The following GOLGA5 variants were observed in gnomAD, a reference collection of about 807,000 sequenced individuals.
GOLGA5 encodes golgin A5.
GOLGA5 carries 50 observed loss-of-function variants against 93.5 expected under a neutral mutation model. The observed-to-expected ratio is 0.53, with a 90% CI of 0.43 to 0.68. The LOEUF is 0.68. Among genes scored for constraint, GOLGA5 ranks in the 30% least tolerant of loss-of-function variants. The pLI is 0.00. For missense variants in GOLGA5, 760 were observed against 856.4 expected (o/e 0.89, Z 1.40); for synonymous variants, 312 against 304.5 (o/e 1.02, Z -0.26).
chr14:92,834,085 A>G (rs1885585346), intron 10 of GOLGA5, among the ~76,000 whole-genome samples: 1 of 151,502 alleles, frequency 6.6e-6, no homozygotes, highest in African/African-American at 2.4e-5. Flanking sequence ...ATACTCCTTA[A>G]TGGCATAAAT....
At chr14:92,798,916 C>T (rs138571593) in intron 2 of GOLGA5, among the ~76,000 whole-genome samples, 3 of 152,140 alleles carry the variant, frequency 2.0e-5, no homozygotes, top group African/African-American at 7.2e-5. Flanking sequence ...ACGCTGTCTC[C>T]AAAGATAAAA....
At chr14:92,834,560 T>TC (rs1448529238) in intron 10 of GOLGA5, among the ~76,000 whole-genome samples, 13 of 152,238 alleles carry the variant, frequency 8.5e-5, no homozygotes, top group African/African-American at 3.1e-4. Flanking sequence ...CACAAAGGCC[T>TC]TGAGGCAGGC....
At position 92,798,000 on chromosome 14, in the gene GOLGA5, T is replaced by C. The variant is rs1334436731; in HGVS notation, c.544+19T>C. 3 of 1,497,440 alleles carry C rather than the reference T, an allele frequency of 2.0e-6. No homozygotes were observed. Among genetic ancestry groups the C allele is most frequent in the African/African-American group, 1.4e-5 (1 of 71,188 alleles). 92.8% of individuals were successfully genotyped at this position (1,497,440 alleles called of 1,614,324 possible). On this transcript the variant is annotated intron_variant, in intron 2 of 12. Transcript: ENST00000163416. The stretch of plus-strand genomic sequence containing the variant: ...ACCCACGGTAGTTAATCAGTCCTCT[T>C]ATTTCTTTTAGAGTTAAGCAAATTG...
chr14:92,800,078 G>C (rs920522875), intron 2 of GOLGA5, among the ~76,000 whole-genome samples: 1 of 152,240 alleles, frequency 6.6e-6, no homozygotes, highest in Non-Finnish European at 1.5e-5. Context: ...GGCAGTAGCA[G>C]TTGATTAATA....
At position 92,816,189 on chromosome 14, in the gene GOLGA5, A is replaced by G. The variant is rs538682518; in HGVS notation, c.1321-62A>G. Reference sequence around the variant, plus strand: ...TAGTGGGTTATTTTCTGTATAGTAGATGATATTCAATATACAAACTAATCT... The same window carrying G: ...TAGTGGGTTATTTTCTGTATAGTAGGTGATATTCAATATACAAACTAATCT... On this transcript the variant is annotated intron_variant, in intron 6 of 12. Transcript: ENST00000163416. 51 of 1,079,722 alleles carry G rather than the reference A, an allele frequency of 4.7e-5. No individual in the cohort carries two copies. In the South Asian group the frequency reaches 6.9e-4, roughly 15 times the overall value. The allele number at this position is 1,079,722 out of a possible 1,614,324, so 66.9% of individuals were successfully genotyped here. A position where few individuals can be genotyped will look rare whatever the true frequency, so the allele number is the denominator to read the frequency against.
At chr14:92,815,649 C>A (rs1355837897) in intron 6 of GOLGA5, among the ~76,000 whole-genome samples, 3 of 149,724 alleles carry the variant, frequency 2.0e-5, no homozygotes, top group African/African-American at 7.4e-5. Flanking sequence ...CCGGCCTGGG[C>A]AACATAGCAA....
intron 6 of GOLGA5, among the ~76,000 whole-genome samples, chr14:92,814,493 G>GGCAGGGTACTTGACCATGGAC (rs1885164127): frequency 6.6e-6 from 1 of 152,104 alleles, no homozygotes; most frequent in Admixed American, 6.5e-5. Context: ...AAGACATGGA[G>GGCAGGGTACTTGACCATGGAC]GCAGGGTACT....
intron 7 of GOLGA5, 145 bp from the exon 8 acceptor site, chr14:92,819,563 T>A: frequency 1.4e-6 from 1 of 698,086 alleles, no homozygotes; most frequent in Non-Finnish European, 2.5e-6. Context: ...AGCCCAGGAG[T>A]TTGAGGCTGC....
At chr14:92,834,426 A>G (rs1270132593) in intron 10 of GOLGA5, among the ~76,000 whole-genome samples, 3 of 151,806 alleles carry the variant, frequency 2.0e-5, no homozygotes, top group African/African-American at 4.8e-5. Flanking sequence ...TCATTGTTCA[A>G]TTCCCACCTA....
At position 92,794,311 on chromosome 14, in the gene GOLGA5, C is replaced by T. The variant is rs553709994; in HGVS notation, c.-176C>T. 1 of 152,456 alleles carries T rather than the reference C, an allele frequency of 6.6e-6. No homozygotes were observed. Among genetic ancestry groups the T allele is most frequent in the South Asian group, 2.1e-4 (1 of 4,830 alleles). The allele number at this position is 152,456 out of a possible 1,614,324, so 9.4% of individuals were successfully genotyped here. ...ACTCTGTTGTGGGGTCCTCGCTTCCCTTCCACGTCTCCCGGAAGCGGTAGC... is the reference window on the plus strand; with the variant it reads ...ACTCTGTTGTGGGGTCCTCGCTTCCTTTCCACGTCTCCCGGAAGCGGTAGC... On this transcript the variant is annotated 5_prime_UTR_variant, in exon 1 of 13. Transcript: ENST00000163416.
chr14:92,796,741 C>A (rs767353701), intron 1 of GOLGA5, among the ~76,000 whole-genome samples: 2 of 143,078 alleles, frequency 1.4e-5, no homozygotes, highest in Non-Finnish European at 3.0e-5. Context: ...GAGGCCGAGG[C>A]GGGTGGATCA....
intron 11 of GOLGA5, among the ~76,000 whole-genome samples, chr14:92,837,047 G>A (rs961259969): frequency 7.9e-5 from 12 of 151,792 alleles, no homozygotes; most frequent in African/African-American, 2.4e-4. Context: ...CTCCAGCCTG[G>A]GCGACAGGAG....
rs778975884 is a variant in GOLGA5 at position 92,835,672 on chromosome 14, A to ATG, written c.2051+9_2051+10dup. 1.9e-6 allele frequency: 3 copies of ATG among 1,539,070 alleles called. No individual in the cohort carries two copies. The South Asian group carries it at 3.4e-5, about 17-fold the overall frequency. ...TTCAATTGATCAGTTTAGGTAAGCAATGCCAGTAGGGATGAGTGATGGACC... is the reference window on the plus strand; with the variant it reads ...TTCAATTGATCAGTTTAGGTAAGCAATGTGCCAGTAGGGATGAGTGATGGACC... On this transcript the variant is annotated intron_variant, in intron 11 of 12. Transcript: ENST00000163416.
chr14:92,817,220 C>T (rs1437195016), intron 7 of GOLGA5, among the ~76,000 whole-genome samples: 3 of 152,144 alleles, frequency 2.0e-5, no homozygotes, highest in African/African-American at 7.2e-5. Context: ...AGATTAGAGA[C>T]GTGAGCCACC....
rs1354716414 is a variant in GOLGA5, at chr14:92,835,659, G to T, written c.2046G>T (p.Gln682His). The change falls in exon 11 of 13, where the codon CAG becomes CAT. Residue 682 changes from glutamine to histidine, a missense_variant. Physicochemically the swap from Gln to His is conservative, Grantham distance 24 (BLOSUM62 0). Coordinates refer to ENST00000163416, the MANE Select transcript of GOLGA5 (RefSeq NM_005113.4). ...KVRKAASSID[Q>H]FSIRLGIFLR... ...GCAAAGCTGCTAGTTCAATTGATCA[G>T]TTTAGGTAAGCAATGCCAGTAGGGA... 6.3e-7 allele frequency: 1 copy of T among 1,596,824 alleles called. No individual in the cohort carries two copies. Among genetic ancestry groups the T allele is most frequent in the Non-Finnish European group, 8.6e-7 (1 of 1,164,528 alleles).
At chr14:92,801,781 T>G (rs1479172623) in intron 2 of GOLGA5, among the ~76,000 whole-genome samples, 1 of 151,926 alleles carries the variant, frequency 6.6e-6, no homozygotes, top group African/African-American at 2.4e-5. Context: ...CTAGCATCAT[T>G]TATTGAACAG....
chr14:92,795,704 A>C (rs4900150), intron 1 of GOLGA5, among the ~76,000 whole-genome samples: 122,825 of 152,132 alleles, frequency 0.81, 50,116 homozygotes, highest in African/African-American at 0.91. Flanking sequence ...CCACTGCCCC[A>C]CTTTCCCCAA....
chr14:92,798,357 C>T (rs888041989), intron 2 of GOLGA5, among the ~76,000 whole-genome samples: 2 of 152,170 alleles, frequency 1.3e-5, no homozygotes, highest in African/African-American at 4.8e-5. Flanking sequence ...ATAAAAATGA[C>T]AGGAGGCTGT....
At chr14:92,802,430 C>T (rs1200655391) in intron 2 of GOLGA5, among the ~76,000 whole-genome samples, 1 of 152,008 alleles carries the variant, frequency 6.6e-6, no homozygotes, top group Non-Finnish European at 1.5e-5. Context: ...ACACAATTAT[C>T]TGTGTATAAT....
Sources: allele counts gnomAD v4.1 joint callset (sites outside exome capture counted in the v4.1 genomes callset), GRCh38; gene constraint gnomAD v4.1.1; transcripts MANE v1.5; gene names NCBI Gene and HGNC (gene_info 2026-07-23, HGNC 2026-07-21).